FZD3: variants seen among roughly 807,000 people sequenced by gnomAD.
FZD3 encodes frizzled-3.
In FZD3, 30 loss-of-function variants were observed where a neutral mutation model predicts 60.7. The ratio of observed to expected loss-of-function variants is 0.49; its 90% CI spans 0.37 to 0.67. The LOEUF (loss-of-function observed/expected upper bound fraction) is 0.67, where lower values mean the gene tolerates loss of function less well. Ranked by LOEUF, FZD3 falls within the 30% of genes least tolerant of loss-of-function variation. The probability of loss-of-function intolerance (pLI) is 0.00; values close to 1 mark genes in which losing one functional copy is unlikely to be tolerated. For missense variants in FZD3, 605 were observed against 838.7 expected (o/e 0.72, Z 3.44); for synonymous variants, 246 against 275.2 (o/e 0.89, Z 1.05).
At chr8:28,496,531 A>T (rs1343246269) in intron 1 of FZD3, among the ~76,000 whole-genome samples, 2 of 152,194 alleles carry the variant, frequency 1.3e-5, no homozygotes, top group African/African-American at 2.4e-5. Context: ...GAATGATTTT[A>T]AAAATATGTA....
Position 28,566,523 on chromosome 8 carries a change from T to C in FZD3, c.*3512T>C, listed in dbSNP as rs1805708510. The C allele has an allele frequency of 6.6e-6, 1 of 152,202 alleles. No individual in the cohort carries two copies. The highest frequency in any genetic ancestry group is 1.5e-5 in the Non-Finnish European group (1 of 68,010). The allele number at this position is 152,202 out of a possible 1,614,324, so 9.4% of individuals were successfully genotyped here. ...ATGTCTTCAAATTAGAAAAATTTACTACATTTTAACCTACCTCATCAGTTT... is the reference window on the plus strand; with the variant it reads ...ATGTCTTCAAATTAGAAAAATTTACCACATTTTAACCTACCTCATCAGTTT... On this transcript the variant is annotated 3_prime_UTR_variant, in exon 8 of 8. Coordinates refer to ENST00000240093, the MANE Select transcript of FZD3 (RefSeq NM_017412.4).
intron 4 of FZD3, among the ~76,000 whole-genome samples, chr8:28,525,121 T>G (rs752069498): frequency 5.9e-5 from 9 of 152,182 alleles, no homozygotes; most frequent in Non-Finnish European, 1.0e-4. Flanking sequence ...TCTGATTACT[T>G]GGGTTAGGGT....
chr8:28,557,469 G>C (rs573595723), intron 7 of FZD3, among the ~76,000 whole-genome samples: 13 of 152,092 alleles, frequency 8.5e-5, no homozygotes, highest in Non-Finnish European at 1.8e-4. Context: ...CCGATTCTCT[G>C]TACTTTTCTT....
At chr8:28,506,108 C>G (rs368373113) in intron 3 of FZD3, among the ~76,000 whole-genome samples, 10 of 152,312 alleles carry the variant, frequency 6.6e-5, no homozygotes, top group African/African-American at 2.2e-4. Flanking sequence ...GGGAACTGTT[C>G]AGCATGGAGC....
At chr8:28,560,611 T>C (rs1388184715) in intron 7 of FZD3, among the ~76,000 whole-genome samples, 2 of 152,154 alleles carry the variant, frequency 1.3e-5, no homozygotes, top group African/African-American at 2.4e-5. Context: ...AGCTTATATT[T>C]TTATATAGTG....
At chr8:28,538,341 G>T (rs1488255987) in intron 5 of FZD3, among the ~76,000 whole-genome samples, 1 of 152,026 alleles carries the variant, frequency 6.6e-6, no homozygotes, top group East Asian at 1.9e-4. Context: ...AATAATCATA[G>T]TTGCTTCTAG....
Position 28,527,998 on chromosome 8 carries a change from A to C in FZD3, c.1238A>C (p.Lys413Thr). 6.2e-7 allele frequency: 1 copy of C among 1,614,028 alleles called. No homozygotes were observed. The highest frequency in any genetic ancestry group is 8.5e-7 in the Non-Finnish European group (1 of 1,179,932). Residue 413 changes from lysine (K) to threonine (T), a missense_variant, in exon 5 of 8, where the codon AAA becomes ACA. Physicochemically the swap from Lys to Thr is moderately conservative, Grantham distance 78. Coordinates refer to ENST00000240093, the MANE Select transcript of FZD3 (RefSeq NM_017412.4). The surrounding 1 kb of genome is among the most constrained non-coding windows in gnomAD (Gnocchi z 5.0). ...EIPLEKENQD[K>T]LVKFMIRIGV... ...CCATTAGAAAAGGAGAACCAAGATA[A>C]ATTAGTGAAGTTTATGATCCGGATC... is the stretch of plus-strand genomic sequence containing the variant.
rs111245806 is a variant in FZD3, at chr8:28,559,341, TA to T, written c.1787+3371del. Among the ~76,000 whole-genome samples the T allele has an allele frequency of 9.2e-3, 1,399 of 152,338 alleles. 25 individuals are homozygous for T. Among genetic ancestry groups the T allele is most frequent in the African/African-American group, 0.032 (1,312 of 41,574 alleles). Reference sequence around the variant, plus strand: ...AATACAGGAAGAAGAACAGTGGGCATATGAGTCAGAGAAATTGCTTATCATT... The same window carrying T: ...AATACAGGAAGAAGAACAGTGGGCATTGAGTCAGAGAAATTGCTTATCATT... On this transcript the variant is annotated intron_variant, in intron 7 of 7. Coordinates refer to ENST00000240093, the MANE Select transcript of FZD3 (RefSeq NM_017412.4).
At chr8:28,515,596 T>C (rs1804404256) in intron 3 of FZD3, among the ~76,000 whole-genome samples, 1 of 152,210 alleles carries the variant, frequency 6.6e-6, no homozygotes, top group Non-Finnish European at 1.5e-5. Flanking sequence ...GTTGTATGCA[T>C]GCTCACTTGA....
At position 28,569,844 on chromosome 8, in the gene FZD3, A is replaced by G. The variant is rs1026766541; in HGVS notation, c.*6833A>G. On this transcript the variant is annotated 3_prime_UTR_variant, in exon 8 of 8. Transcript: ENST00000240093. ...TTTTGTGGTCTTTGTTCTCTTAAAT[A>G]TGAATATAGCTAGTTAGCCTAAAAT... 2 of 152,234 alleles carry G rather than the reference A, an allele frequency of 1.3e-5. No individual in the cohort carries two copies. The highest frequency in any genetic ancestry group is 4.8e-5 in the African/African-American group (2 of 41,464). The allele number at this position is 152,234 out of a possible 1,614,324, so 9.4% of individuals were successfully genotyped here.
chr8:28,514,056 T>C (rs1804359636), intron 3 of FZD3, among the ~76,000 whole-genome samples: 1 of 152,210 alleles, frequency 6.6e-6, no homozygotes. Context: ...ACCTTTGTTG[T>C]AGAAACCAGA....
At chr8:28,494,775 G>C (rs1218750871) in intron 1 of FZD3, among the ~76,000 whole-genome samples, 1 of 152,048 alleles carries the variant, frequency 6.6e-6, no homozygotes, top group Non-Finnish European at 1.5e-5. Context: ...GGGCCCGGCC[G>C]GAGCCGGCGG....
Position 28,569,562 on chromosome 8 carries a change from A to G in FZD3, c.*6551A>G, listed in dbSNP as rs1450176484. Reference sequence around the variant, plus strand: ...ATTCTTCTTATTCATCCCATGAACTAGATCAACTTGTATTATTTTACTAGA... The same window carrying G: ...ATTCTTCTTATTCATCCCATGAACTGGATCAACTTGTATTATTTTACTAGA... On this transcript the variant is annotated 3_prime_UTR_variant, in exon 8 of 8. Transcript: ENST00000240093. The G allele has an allele frequency of 6.6e-6, 1 of 152,142 alleles. No homozygotes were observed. The highest frequency in any genetic ancestry group is 6.5e-5 in the Admixed American group (1 of 15,278). 9.4% of individuals were successfully genotyped at this position (152,142 alleles called of 1,614,324 possible). A position where few individuals can be genotyped will look rare whatever the true frequency, so the allele number is the denominator to read the frequency against.
intron 5 of FZD3, among the ~76,000 whole-genome samples, chr8:28,547,044 A>G (rs74986628): frequency 0.013 from 1,958 of 152,194 alleles, 47 homozygotes; most frequent in African/African-American, 0.045. Flanking sequence ...TCTCCCTTCT[A>G]TCACTGCCTG....
intron 1 of FZD3, among the ~76,000 whole-genome samples, chr8:28,497,832 C>T (rs1803882791): frequency 6.6e-6 from 1 of 152,156 alleles, no homozygotes; most frequent in Non-Finnish European, 1.5e-5. Context: ...TCACAGTTGC[C>T]ACCTCCTGCG....
In FZD3 at chr8:28,512,571, A is replaced by C. The variant is rs75173629; in HGVS notation, c.190-8067A>C. ...GTAAGGAACACATTATGCTTTTAAA[A>C]TAGTAAAACTAGTAAAGAAATTTTA... On this transcript the variant is annotated intron_variant, in intron 3 of 7. Coordinates refer to ENST00000240093, the MANE Select transcript of FZD3 (RefSeq NM_017412.4). Among the ~76,000 whole-genome samples the C allele has an allele frequency of 4.7e-3, 722 of 152,200 alleles. 25 individuals carry two copies. In the East Asian group the frequency reaches 0.091, roughly 19 times the overall value.
At chr8:28,535,701 G>A (rs988292573) in intron 5 of FZD3, among the ~76,000 whole-genome samples, 2 of 152,150 alleles carry the variant, frequency 1.3e-5, no homozygotes, top group Admixed American at 6.5e-5. Flanking sequence ...AGTAGTCAGA[G>A]TAATATTTCA....
At chr8:28,503,270 A>G (rs1275334297) in intron 3 of FZD3, 68 bp downstream of exon 3, 8 of 858,390 alleles carry the variant, frequency 9.3e-6, no homozygotes, top group Admixed American at 6.8e-5. Context: ...CAGCCAATCT[A>G]ATGAATGTGT....
intron 3 of FZD3, among the ~76,000 whole-genome samples, chr8:28,505,625 A>G (rs1470186039): frequency 6.6e-6 from 1 of 152,176 alleles, no homozygotes; most frequent in Admixed American, 6.5e-5. Flanking sequence ...GTGCTGGATT[A>G]TAGGCATGAG....
Sources: gnomAD v4.1 joint callset for allele counts (sites outside exome capture counted in the v4.1 genomes callset) on GRCh38, gnomAD v4.1.1 for gene constraint, Gnocchi (gnomAD v3.1) non-coding constraint, MANE v1.5 for transcripts, NCBI Gene and HGNC (gene_info 2026-07-23, HGNC 2026-07-21) for gene names.